ALDH1A2: variants seen among roughly 807,000 people sequenced by gnomAD.
ALDH1A2 encodes the protein aldehyde dehydrogenase 1 family member A2.
ALDH1A2 carries 27 observed loss-of-function variants against 60.3 expected under a neutral mutation model. That is an observed-to-expected ratio of 0.45 (90% CI 0.33 to 0.62). The LOEUF is 0.62. ALDH1A2 is among the 20% of genes least tolerant of loss of function. ALDH1A2 has a pLI of 0.02. For missense variants in ALDH1A2, 581 were observed against 643.8 expected, an observed-to-expected ratio of 0.90 and a Z score of 1.06; for synonymous variants, 289 against 232.4, an observed-to-expected ratio of 1.24 and a Z score of -2.21.
intron 1 of ALDH1A2, among the ~76,000 whole-genome samples, chr15:58,050,383 A>G (rs1057072902): frequency 2.6e-5 from 4 of 152,144 alleles, no homozygotes; most frequent in Admixed American, 6.6e-5. Context: ...AAATAAAAGT[A>G]TAATTAAATA....
At chr15:58,040,071 T>C (rs909128207) in intron 1 of ALDH1A2, among the ~76,000 whole-genome samples, 2 of 151,932 alleles carry the variant, frequency 1.3e-5, no homozygotes, top group African/African-American at 2.4e-5. Context: ...ATACCTACTA[T>C]GAATATGCTC....
chr15:57,994,222 T>C lies in ALDH1A2; in HGVS notation c.555+856A>G, dbSNP rs186578813. ...GCCTTTAAGAGCAAGAGAACTTAAA[T>C]CAAACCTCTCATTTTCCCTTGGCAT... On this transcript the variant is annotated intron_variant, in intron 5 of 12. Transcript: ENST00000249750. Among the ~76,000 whole-genome samples, 248 of 152,276 alleles carry C rather than the reference T, an allele frequency of 1.6e-3. 1 individual carries two copies. The highest frequency in any genetic ancestry group is 0.011 in the Admixed American group (162 of 15,292).
intron 1 of ALDH1A2, among the ~76,000 whole-genome samples, chr15:58,039,882 A>G (rs1412157800): frequency 1.3e-5 from 2 of 151,744 alleles, no homozygotes; most frequent in Non-Finnish European, 2.9e-5. Flanking sequence ...TTTATTTGCA[A>G]TCATTTCTTA....
rs143821362 is a variant in ALDH1A2, at chr15:58,049,811, G to T, written c.117+15723C>A. Among the ~76,000 whole-genome samples the T allele has an allele frequency of 7.6e-3, 1,154 of 152,194 alleles. 17 individuals are homozygous for T. Among genetic ancestry groups the T allele is most frequent in the African/African-American group, 0.027 (1,108 of 41,552 alleles). ...TACTTTGAGAGAAGAAAACTCAAGA[G>T]AAATGGCTTTTATGTACCCCCCTGT... On this transcript the variant is annotated intron_variant, in intron 1 of 12. Transcript: ENST00000249750.
At chr15:58,040,581 A>G (rs796904435) in intron 1 of ALDH1A2, among the ~76,000 whole-genome samples, 12 of 152,054 alleles carry the variant, frequency 7.9e-5, no homozygotes, top group African/African-American at 2.4e-4. Flanking sequence ...CCAAGTTCAC[A>G]CCACAAATAA....
At position 58,029,549 on chromosome 15, in the gene ALDH1A2, C is replaced by G. The variant is rs192927775; in HGVS notation, c.118-15268G>C. On this transcript the variant is annotated intron_variant, in intron 1 of 12. Transcript: ENST00000249750. ...AGGCAAGAAATAACTAAGATGAGAG[C>G]AGAACTGAAGGAGATAGAGACATAA... is the stretch of plus-strand genomic sequence containing the variant. Among the ~76,000 whole-genome samples the G allele has an allele frequency of 5.6e-3, 817 of 144,776 alleles. 6 individuals carry two copies. Among genetic ancestry groups the G allele is most frequent in the Middle Eastern group, 0.025 (7 of 276 alleles). 95.0% of individuals were successfully genotyped at this position (144,776 alleles called of 152,430 possible). A position where few individuals can be genotyped will look rare whatever the true frequency, so the allele number is the denominator to read the frequency against.
At chr15:57,964,334 C>A in intron 8 of ALDH1A2, 1 of 460,484 alleles carries the variant, frequency 2.2e-6, no homozygotes, top group African/African-American at 2.0e-5. Context: ...TCTCAAACCC[C>A]TATATACCAC....
chr15:57,961,247 T>G lies in ALDH1A2; in HGVS notation c.1299A>C (p.Glu433Asp), dbSNP rs1297982467. 2.5e-6 allele frequency: 4 copies of G among 1,614,118 alleles called. No homozygotes were observed. Among genetic ancestry groups the G allele is most frequent in the Non-Finnish European group, 2.5e-6 (3 of 1,180,008 alleles). ...CTGAGTTATTGGCTCTTTCGATAAC[T>G]TCATCCATCGTCTTAAATCTCAAAA... ...QEILRFKTMDEVIERANNSDF... is the reference protein window; with the variant it reads ...QEILRFKTMDDVIERANNSDF... The change falls in exon 11 of 13, where the codon GAA (glutamate) becomes GAC (aspartate). Residue 433 changes from glutamate (E) to aspartate (D), a missense_variant. Transcript: ENST00000249750.
intron 7 of ALDH1A2, among the ~76,000 whole-genome samples, chr15:57,988,277 T>C (rs759475483): frequency 3.9e-5 from 6 of 152,162 alleles, no homozygotes; most frequent in Non-Finnish European, 8.8e-5. Flanking sequence ...TAGACTGTGA[T>C]TGAGGTGCAT....
rs1484902253 is a variant in ALDH1A2 at position 58,013,970 on chromosome 15, G to C, written c.251C>G (p.Ala84Gly). 1.2e-6 allele frequency: 2 copies of C among 1,614,118 alleles called. No individual in the cohort carries two copies. The highest frequency in any genetic ancestry group is 1.1e-5 in the South Asian group (1 of 91,072). ...TGAACCAAGAGAGAAAGCCAGGCGG[G>C]CTGCCTGCACTGCTTTGTCTATATC... ...KADIDKAVQA[A>G]RLAFSLGSVW... The change falls in exon 3 of 13, where the codon GCC becomes GGC. Residue 84 changes from alanine to glycine, a missense_variant. Physicochemically the swap from Ala to Gly is moderately conservative, Grantham distance 60. This residue lies in a region of ALDH1A2 where 206 missense variants were observed against 174.1 expected (regional missense o/e 1.18). Transcript: ENST00000249750.
At chr15:58,011,194 A>G (rs1211608710) in intron 3 of ALDH1A2, among the ~76,000 whole-genome samples, 2 of 152,170 alleles carry the variant, frequency 1.3e-5, no homozygotes, top group Non-Finnish European at 2.9e-5. Context: ...ATGAGAATAG[A>G]AAGTGTTCTC....
At chr15:57,973,223 A>T (rs1228904143) in intron 7 of ALDH1A2, among the ~76,000 whole-genome samples, 1 of 152,168 alleles carries the variant, frequency 6.6e-6, no homozygotes, top group Non-Finnish European at 1.5e-5. Flanking sequence ...TTGTTTATTG[A>T]CTTGTGTTTA....
intron 1 of ALDH1A2, among the ~76,000 whole-genome samples, chr15:58,028,795 G>T (rs1392654561): frequency 1.3e-5 from 2 of 151,872 alleles, no homozygotes; most frequent in East Asian, 1.9e-4. Flanking sequence ...GATCAAAAGA[G>T]ACAAAAAAGG....
At chr15:57,980,635 C>T (rs1019965167) in intron 7 of ALDH1A2, 4 of 203,132 alleles carry the variant, frequency 2.0e-5, no homozygotes, top group Admixed American at 5.8e-5. Context: ...TGTTGAACTG[C>T]GTGGAACTCA....
At chr15:57,955,382 G>A in intron 12 of ALDH1A2, 113 bp from the exon 13 acceptor site, 3 of 1,092,802 alleles carry the variant, frequency 2.7e-6, no homozygotes, top group Non-Finnish European at 4.2e-6. Flanking sequence ...CAAGTCCTGG[G>A]ATGTTCATGT....
Position 57,965,698 on chromosome 15 carries a change from CATGTATGGGACCTGTAGTTG to C in ALDH1A2, c.901+7_901+26del. ...GAGCACCAAAGGGTGTGTGGTGGTT[CATGTATGGGACCTGTAGTTG>C]ACTTACAGTCAGCATCAGCAAAAAT... is the stretch of plus-strand genomic sequence containing the variant. On this transcript the variant is annotated splice_region_variant and intron_variant, in intron 8 of 12. Coordinates refer to ENST00000249750, the MANE Select transcript of ALDH1A2 (RefSeq NM_003888.4). 2 of 1,512,514 alleles carry C rather than the reference CATGTATGGGACCTGTAGTTG, an allele frequency of 1.3e-6. No individual in the cohort carries two copies. The allele number at this position is 1,512,514 out of a possible 1,614,324, so 93.7% of individuals were successfully genotyped here.
intron 7 of ALDH1A2, among the ~76,000 whole-genome samples, chr15:57,970,581 T>C (rs1894030617): frequency 6.6e-6 from 1 of 152,214 alleles, no homozygotes. Flanking sequence ...AAAAGGCTTT[T>C]CATGCCCTCT....
chr15:58,015,046 G>A (rs148570018), intron 1 of ALDH1A2, among the ~76,000 whole-genome samples: 1 of 152,146 alleles, frequency 6.6e-6, no homozygotes, highest in East Asian at 1.9e-4. Flanking sequence ...AAAGGACAAG[G>A]GAAAAGAAAA....
chr15:58,028,534 C>T (rs1375127794), intron 1 of ALDH1A2, among the ~76,000 whole-genome samples: 1 of 152,178 alleles, frequency 6.6e-6, no homozygotes, highest in Admixed American at 6.5e-5. Flanking sequence ...ATGACAGGAT[C>T]AAATTCACAC....
Sources: gnomAD v4.1 joint callset for allele counts (sites outside exome capture counted in the v4.1 genomes callset) on GRCh38, gnomAD v4.1.1 for gene constraint, gnomAD v4.1.1 regional missense constraint, MANE v1.5 for transcripts, NCBI Gene and HGNC (gene_info 2026-07-23, HGNC 2026-07-21) for gene names.